KIAA0825: variants seen among roughly 807,000 people sequenced by gnomAD.
KIAA0825 encodes uncharacterized protein KIAA0825.
In KIAA0825, 119 loss-of-function variants were observed where a neutral mutation model predicts 147.6. The ratio of observed to expected loss-of-function variants is 0.81; its 90% CI spans 0.69 to 0.94. KIAA0825 has a LOEUF of 0.94. Ranked by LOEUF, KIAA0825 falls within the 40% of genes least tolerant of loss-of-function variation. KIAA0825 has a pLI of 0.00. For synonymous variants in KIAA0825, 470 were observed against 518.1 expected, an observed-to-expected ratio of 0.91 and a Z score of 1.26; for missense variants, 1,381 against 1,472.7, an observed-to-expected ratio of 0.94 and a Z score of 1.02.
At chr5:94,173,662 A>T (rs1768838547) in intron 20 of KIAA0825, among the ~76,000 whole-genome samples, 1 of 152,192 alleles carries the variant, frequency 6.6e-6, no homozygotes, top group Admixed American at 6.5e-5. Flanking sequence ...CAAAGGAGTC[A>T]TCAGCTCTCA....
chr5:94,573,961 A>G lies in KIAA0825; in HGVS notation c.-2+8472T>C, dbSNP rs920322926. Among the ~76,000 whole-genome samples the G allele has an allele frequency of 4.6e-5, 7 of 152,212 alleles. No individual in the cohort carries two copies. In the South Asian group the frequency reaches 6.2e-4, roughly 13 times the overall value. On this transcript the variant is annotated intron_variant, in intron 2 of 20. Coordinates refer to ENST00000682413, the MANE Select transcript of KIAA0825 (RefSeq NM_001145678.3). ...AGAAATTTGGGCAAGATAAAAAAAA[A>G]TCAGACCTTAGTCCTCATAAATATT...
chr5:94,431,839 T>C (rs1473754789), intron 14 of KIAA0825, among the ~76,000 whole-genome samples: 1 of 152,172 alleles, frequency 6.6e-6, no homozygotes, highest in African/African-American at 2.4e-5. Context: ...AGAGAATGCA[T>C]GACCCTGTGT....
chr5:94,384,489 G>C (rs934616427), intron 19 of KIAA0825, 31 bp from the exon 20 acceptor site: 1 of 1,496,728 alleles, frequency 6.7e-7, no homozygotes, highest in African/African-American at 1.4e-5. Context: ...AGACACTATT[G>C]TTAGTTATTA....
At chr5:94,457,794 G>A (rs1452662145) in intron 12 of KIAA0825, among the ~76,000 whole-genome samples, 1 of 152,144 alleles carries the variant, frequency 6.6e-6, no homozygotes, top group Non-Finnish European at 1.5e-5. Context: ...TGTTGCTTTC[G>A]GCTGCCCTCC....
At chr5:94,499,301 T>G (rs1263600570) in intron 5 of KIAA0825, among the ~76,000 whole-genome samples, 4 of 152,180 alleles carry the variant, frequency 2.6e-5, no homozygotes, top group Non-Finnish European at 5.9e-5. Context: ...CTCCATGCTG[T>G]GAACATCCCT....
At chr5:94,221,925 C>A (rs1183759687) in intron 20 of KIAA0825, among the ~76,000 whole-genome samples, 2 of 152,064 alleles carry the variant, frequency 1.3e-5, no homozygotes, top group Non-Finnish European at 2.9e-5. Flanking sequence ...TGCATCAAGG[C>A]CCATTTTTTT....
intron 20 of KIAA0825, among the ~76,000 whole-genome samples, chr5:94,326,471 T>C (rs980398475): frequency 1.3e-5 from 2 of 152,140 alleles, no homozygotes; most frequent in Non-Finnish European, 2.9e-5. Flanking sequence ...AACTATATCG[T>C]TTCTGTGGTT....
At chr5:94,445,756 C>A (rs1270570569) in intron 13 of KIAA0825, among the ~76,000 whole-genome samples, 1 of 152,118 alleles carries the variant, frequency 6.6e-6, no homozygotes, top group Non-Finnish European at 1.5e-5. Flanking sequence ...ATGCTAAATA[C>A]CTAGTTCAGT....
chr5:94,449,196 T>C (rs1758090898), intron 13 of KIAA0825, among the ~76,000 whole-genome samples: 1 of 152,074 alleles, frequency 6.6e-6, no homozygotes, highest in South Asian at 2.1e-4. Context: ...TAAAGACACA[T>C]GAGGAGACTG....
chr5:94,404,025 T>C (rs1751728447), intron 15 of KIAA0825, among the ~76,000 whole-genome samples: 1 of 152,222 alleles, frequency 6.6e-6, no homozygotes, highest in Non-Finnish European at 1.5e-5. Flanking sequence ...TAATATTTAC[T>C]GGTAGTTTTG....
In KIAA0825 at chr5:94,523,978, T is replaced by G; in HGVS notation, c.252A>C (p.Glu84Asp). Residue 84 changes from glutamate to aspartate, a missense_variant, in exon 4 of 21, where the codon GAA becomes GAC. Glu to Asp is a conservative substitution (Grantham distance 45). Transcript: ENST00000682413. Reference protein sequence around the residue: ...WLTNYNYSTSESSFISHGDLI... With the variant: ...WLTNYNYSTSDSSFISHGDLI... ...AGTCTCCATGAGAAATGAAAGATGA[T>G]TCAGATGTACTGTAATTATAGTTAG... is the stretch of plus-strand genomic sequence containing the variant. The G allele has an allele frequency of 6.2e-7, 1 of 1,606,654 alleles. No homozygotes were observed. Among genetic ancestry groups the G allele is most frequent in the South Asian group, 1.1e-5 (1 of 90,072 alleles).
intron 14 of KIAA0825, among the ~76,000 whole-genome samples, chr5:94,433,451 A>G (rs897642473): frequency 2.6e-5 from 4 of 152,256 alleles, no homozygotes; most frequent in African/African-American, 9.6e-5. Flanking sequence ...TACAAAAGGT[A>G]CTATGAAAAT....
intron 2 of KIAA0825, among the ~76,000 whole-genome samples, chr5:94,553,451 GA>G (rs962655071): frequency 4.9e-4 from 63 of 128,290 alleles, no homozygotes; most frequent in Admixed American, 1.5e-3. Flanking sequence ...AAAAAAAAAA[GA>G]AAAAAAAAAA....
chr5:94,199,893 G>C (rs943547185), intron 20 of KIAA0825, among the ~76,000 whole-genome samples: 10 of 152,144 alleles, frequency 6.6e-5, no homozygotes, highest in Non-Finnish European at 7.4e-5. Context: ...GTGCTTTAGT[G>C]GGGAAGCTGA....
At chr5:94,285,316 A>C (rs1411954990) in intron 20 of KIAA0825, among the ~76,000 whole-genome samples, 1 of 152,160 alleles carries the variant, frequency 6.6e-6, no homozygotes, top group Admixed American at 6.6e-5. Context: ...TGAATGAACA[A>C]ATAATTATTT....
chr5:94,464,849 T>C lies in KIAA0825; in HGVS notation c.2063+20A>G. 2 of 1,534,102 alleles carry C rather than the reference T, an allele frequency of 1.3e-6. No individual in the cohort carries two copies. The highest frequency in any genetic ancestry group is 1.4e-5 in the African/African-American group (1 of 72,026). ...TGAAAAGTTTTCTTGAAAAGCAATG[T>C]TTTTCAGAACTTCAATTACCTTAAC... On this transcript the variant is annotated intron_variant, in intron 11 of 20. Coordinates refer to ENST00000682413, the MANE Select transcript of KIAA0825 (RefSeq NM_001145678.3).
intron 5 of KIAA0825, chr5:94,519,996 A>G (rs890021092): frequency 1.8e-6 from 2 of 1,104,882 alleles, no homozygotes; most frequent in African/African-American, 3.3e-5. Flanking sequence ...ATCAAGAGAA[A>G]TTAAACTCTT....
At chr5:94,583,139 T>G (rs2152366387) in intron 1 of KIAA0825, among the ~76,000 whole-genome samples, 1 of 152,204 alleles carries the variant, frequency 6.6e-6, no homozygotes, top group East Asian at 1.9e-4. Flanking sequence ...CATTTCCAAC[T>G]GAAGTACCTG....
chr5:94,530,271 CAAAAAAAAAA>C (rs770501364), intron 3 of KIAA0825, among the ~76,000 whole-genome samples: 2 of 54,594 alleles, frequency 3.7e-5, no homozygotes, highest in Non-Finnish European at 6.9e-5. Flanking sequence ...AACTCCGTCA[CAAAAAAAAAA>C]AAAAAAAAAA....
Sources: allele counts gnomAD v4.1 joint callset (sites outside exome capture counted in the v4.1 genomes callset), GRCh38; gene constraint gnomAD v4.1.1; transcripts MANE v1.5; gene names NCBI Gene and HGNC (gene_info 2026-07-23, HGNC 2026-07-21).